ADAM10: variants seen among roughly 807,000 people sequenced by gnomAD.
ADAM10 encodes ADAM metallopeptidase domain 10.
In ADAM10, 17 loss-of-function variants were observed where a neutral mutation model predicts 90.1. That is an observed-to-expected ratio of 0.19 (90% CI 0.13 to 0.28). The LOEUF is 0.28. ADAM10 is among the 10% of genes least tolerant of loss of function. The probability of loss-of-function intolerance (pLI) is 1.00; values close to 1 mark genes in which losing one functional copy is unlikely to be tolerated. For synonymous variants in ADAM10, 310 were observed against 298.6 expected, an observed-to-expected ratio of 1.04 and a Z score of -0.40; for missense variants, 610 against 914.3, an observed-to-expected ratio of 0.67 and a Z score of 4.29.
At chr15:58,624,786 G>GCCTC (rs1397014247) in intron 10 of ADAM10, among the ~76,000 whole-genome samples, 1 of 152,136 alleles carries the variant, frequency 6.6e-6, no homozygotes, top group African/African-American at 2.4e-5. Context: ...CCCTGTCTTG[G>GCCTC]CCTCCCAAAG....
intron 5 of ADAM10, among the ~76,000 whole-genome samples, chr15:58,663,515 C>T (rs995549317): frequency 5.9e-5 from 9 of 152,104 alleles, no homozygotes; most frequent in Admixed American, 3.3e-4. Flanking sequence ...TCCTGTTCAT[C>T]GTCTTTAAAT....
At chr15:58,663,723 T>C (rs1897019513) in intron 5 of ADAM10, among the ~76,000 whole-genome samples, 1 of 152,230 alleles carries the variant, frequency 6.6e-6, no homozygotes, top group East Asian at 1.9e-4. Context: ...CAATCTTCCT[T>C]AATATTTTTA....
chr15:58,678,097 GAATCA>G (rs1305081714), intron 4 of ADAM10, among the ~76,000 whole-genome samples: 1 of 152,076 alleles, frequency 6.6e-6, no homozygotes, highest in Non-Finnish European at 1.5e-5. Context: ...ACTGGAAAAG[GAATCA>G]AATAGTGGTG....
At chr15:58,652,778 C>T (rs1440777559) in intron 5 of ADAM10, among the ~76,000 whole-genome samples, 1 of 151,246 alleles carries the variant, frequency 6.6e-6, no homozygotes, top group African/African-American at 2.5e-5. Flanking sequence ...TGAAGAATGA[C>T]AATGGCATTT....
intron 5 of ADAM10, among the ~76,000 whole-genome samples, chr15:58,655,719 A>G (rs1242818731): frequency 2.1e-5 from 1 of 46,922 alleles, no homozygotes; most frequent in Non-Finnish European, 3.2e-5. Flanking sequence ...TAGTATATAT[A>G]TATATATATA....
At chr15:58,673,142 T>G (rs746402115) in intron 4 of ADAM10, among the ~76,000 whole-genome samples, 1 of 151,788 alleles carries the variant, frequency 6.6e-6, no homozygotes, top group African/African-American at 2.4e-5. Context: ...GAAAAAAAAA[T>G]ACAGATGGAT....
At chr15:58,621,262 C>CAA (rs749439192) in intron 11 of ADAM10, among the ~76,000 whole-genome samples, 699 of 25,244 alleles carry the variant, frequency 0.028, 116 homozygotes, top group African/African-American at 0.047. Flanking sequence ...GACCCTGTCT[C>CAA]AAAAAAAAAA....
At chr15:58,698,464 T>G (rs1467127061) in intron 2 of ADAM10, 1 of 272,822 alleles carries the variant, frequency 3.7e-6, no homozygotes, top group Non-Finnish European at 7.0e-6. Context: ...TAGTCCCAAC[T>G]ACTCAGGTGG....
At position 58,593,207 on chromosome 15, in the gene ADAM10, T is replaced by C. The variant is rs1159538022; in HGVS notation, c.*4340A>G. On this transcript the variant is annotated 3_prime_UTR_variant, in exon 16 of 16. Coordinates refer to ENST00000260408, the MANE Select transcript of ADAM10 (RefSeq NM_001110.4). The stretch of plus-strand genomic sequence containing the variant: ...TTTTTTTTTTTTTTTTGAGACAGAG[T>C]CTCGCTCTGTCACCCAGGCTGGAGT... The C allele has an allele frequency of 8.7e-6, 1 of 115,298 alleles. No homozygotes were observed. Among genetic ancestry groups the C allele is most frequent in the African/African-American group, 3.4e-5 (1 of 29,212 alleles). The allele number at this position is 115,298 out of a possible 1,614,324, so 7.1% of individuals were successfully genotyped here.
intron 6 of ADAM10, 37 bp from the exon 7 acceptor site, chr15:58,644,015 T>G (rs201757640): frequency 2.1e-6 from 3 of 1,414,764 alleles, no homozygotes; most frequent in African/African-American, 2.8e-5. Context: ...AGAGGCAATG[T>G]TGAAATATGA....
At chr15:58,691,482 T>C (rs1897791893) in intron 2 of ADAM10, 2 of 618,864 alleles carry the variant, frequency 3.2e-6, no homozygotes, top group African/African-American at 1.8e-5. Context: ...GCAAGACACA[T>C]ACTCTGACAG....
Position 58,689,166 on chromosome 15 carries a change from G to C in ADAM10, c.207-6852C>G, listed in dbSNP as rs1015226877. Among the ~76,000 whole-genome samples, 4 of 152,270 alleles carry C rather than the reference G, an allele frequency of 2.6e-5. No homozygotes were observed. In the East Asian group the frequency reaches 7.7e-4, roughly 29 times the overall value. ...CCATCAAAGAGACTGATTATATGCA[G>C]AGTGACTGCTGATTTAACATTAGAA... On this transcript the variant is annotated intron_variant, in intron 2 of 15. Coordinates refer to ENST00000260408, the MANE Select transcript of ADAM10 (RefSeq NM_001110.4).
At chr15:58,626,720 T>C (rs1413537282) in intron 10 of ADAM10, among the ~76,000 whole-genome samples, 3 of 152,122 alleles carry the variant, frequency 2.0e-5, no homozygotes, top group Non-Finnish European at 2.9e-5. Flanking sequence ...AGAACAAATA[T>C]TGTATGTCCC....
intron 7 of ADAM10, among the ~76,000 whole-genome samples, chr15:58,642,870 T>A (rs1843611640): frequency 6.6e-6 from 1 of 152,200 alleles, no homozygotes; most frequent in South Asian, 2.1e-4. Flanking sequence ...AATCAATAAA[T>A]CATATTTCAC....
At position 58,746,771 on chromosome 15, in the gene ADAM10, A is replaced by G. The variant is rs148669764; in HGVS notation, c.55+2709T>C. Among the ~76,000 whole-genome samples the G allele has an allele frequency of 2.4e-4, 37 of 152,340 alleles. No homozygotes were observed. The East Asian group carries it at 6.9e-3, about 29-fold the overall frequency. On this transcript the variant is annotated intron_variant, in intron 1 of 15. Transcript: ENST00000260408. ...ACTTTTTAAAATAAATAAACAAAAT[A>G]AAACATTTTTTAAAAAAGATGATGG...
At chr15:58,642,358 G>A (rs559475760) in intron 7 of ADAM10, among the ~76,000 whole-genome samples, 9 of 151,998 alleles carry the variant, frequency 5.9e-5, no homozygotes, top group Admixed American at 2.0e-4. Flanking sequence ...CCAGCTACTC[G>A]GGAGGCTGAG....
chr15:58,654,795 T>C lies in ADAM10; in HGVS notation c.586-8591A>G, dbSNP rs78351565. On this transcript the variant is annotated intron_variant, in intron 5 of 15. Coordinates refer to ENST00000260408, the MANE Select transcript of ADAM10 (RefSeq NM_001110.4). Reference sequence around the variant, plus strand: ...ATTGTTTACTTTCCATGTGATTGTATAGTTTCAAAGACTCCTTTTGTTATT... The same window carrying C: ...ATTGTTTACTTTCCATGTGATTGTACAGTTTCAAAGACTCCTTTTGTTATT... 6.0e-3 allele frequency among the ~76,000 whole-genome samples: 915 copies of C among 152,372 alleles called. 7 individuals carry two copies. The highest frequency in any genetic ancestry group is 0.01 in the Middle Eastern group (3 of 294).
intron 2 of ADAM10, among the ~76,000 whole-genome samples, chr15:58,714,560 A>G (rs1480167431): frequency 1.3e-5 from 2 of 152,186 alleles, no homozygotes; most frequent in Admixed American, 6.6e-5. Flanking sequence ...TCTAGCCACA[A>G]TGTATAAGAC....
intron 14 of ADAM10, among the ~76,000 whole-genome samples, chr15:58,606,824 A>G (rs1303078527): frequency 6.6e-6 from 1 of 152,184 alleles, no homozygotes; most frequent in African/African-American, 2.4e-5. Flanking sequence ...TCAGGCCTAC[A>G]CTTTGAGATC....
Sources: allele counts gnomAD v4.1 joint callset (sites outside exome capture counted in the v4.1 genomes callset), GRCh38; gene constraint gnomAD v4.1.1; transcripts MANE v1.5; gene names NCBI Gene and HGNC (gene_info 2026-07-23, HGNC 2026-07-21).